ASH1L: variants seen among roughly 807,000 people sequenced by gnomAD.
The protein encoded by ASH1L is ASH1 like histone lysine methyltransferase, also known as histone-lysine N-methyltransferase ASH1L.
ASH1L carries 23 observed loss-of-function variants against 269.0 expected under a neutral mutation model. The ratio of observed to expected loss-of-function variants is 0.09; its 90% CI spans 0.06 to 0.12. The LOEUF (loss-of-function observed/expected upper bound fraction) is 0.12. Among genes scored for constraint, ASH1L ranks in the 10% least tolerant of loss-of-function variants. The pLI, the probability that ASH1L is intolerant of heterozygous loss-of-function variation, is 1.00. For synonymous variants in ASH1L, 1,187 were observed against 1,253.5 expected (o/e 0.95, Z 1.12); for missense variants, 2,912 against 3,567.8 (o/e 0.82, Z 4.68).
chr1:155,467,461 T>C (rs946249327), intron 3 of ASH1L, among the ~76,000 whole-genome samples: 1 of 152,192 alleles, frequency 6.6e-6, no homozygotes, highest in Non-Finnish European at 1.5e-5. Flanking sequence ...GTTAGAAAAA[T>C]AAGCTAACTA....
chr1:155,360,754 T>C (rs1654873890), intron 12 of ASH1L, among the ~76,000 whole-genome samples: 1 of 152,098 alleles, frequency 6.6e-6, no homozygotes, highest in African/African-American at 2.4e-5. Context: ...CCACTTTTAA[T>C]CTCTTTTCTA....
chr1:155,528,295 TC>T (rs966289489), intron 1 of ASH1L, among the ~76,000 whole-genome samples: 9 of 152,210 alleles, frequency 5.9e-5, no homozygotes, highest in African/African-American at 2.2e-4. Flanking sequence ...GCTTTTTCTC[TC>T]AAACCCCTCA....
intron 10 of ASH1L, among the ~76,000 whole-genome samples, chr1:155,374,185 C>T (rs996098134): frequency 2.0e-5 from 3 of 152,016 alleles, no homozygotes; most frequent in African/African-American, 7.2e-5. Flanking sequence ...AAAAATTAGC[C>T]AGGCGTGGTG....
intron 2 of ASH1L, among the ~76,000 whole-genome samples, chr1:155,504,183 C>G (rs1376637927): frequency 6.6e-6 from 1 of 152,104 alleles, no homozygotes; most frequent in African/African-American, 2.4e-5. Context: ...ATTATTTTCC[C>G]TTTCTTCTTG....
At chr1:155,370,274 C>A in intron 12 of ASH1L, 6 of 544,094 alleles carry the variant, frequency 1.1e-5, no homozygotes, top group South Asian at 5.0e-5. Flanking sequence ...ACAAAAAAAC[C>A]AAAAAAGCAA....
At chr1:155,433,868 C>G in intron 5 of ASH1L, 1 of 1,604,684 alleles carries the variant, frequency 6.2e-7, no homozygotes, top group Non-Finnish European at 8.5e-7. Flanking sequence ...CTTGCAGGCT[C>G]GAAAGAGAAA....
At chr1:155,560,077 G>A (rs1322376317) in intron 1 of ASH1L, among the ~76,000 whole-genome samples, 1 of 152,124 alleles carries the variant, frequency 6.6e-6, no homozygotes, top group Non-Finnish European at 1.5e-5. Context: ...CTGTCAACAT[G>A]TTCAAATACC....
At chr1:155,502,229 C>T (rs918800806) in intron 2 of ASH1L, among the ~76,000 whole-genome samples, 1 of 151,002 alleles carries the variant, frequency 6.6e-6, no homozygotes, top group Admixed American at 6.6e-5. Flanking sequence ...CACCACCACA[C>T]CCAGCTAATT....
chr1:155,390,061 C>CT (rs1224577616), intron 7 of ASH1L, among the ~76,000 whole-genome samples: 1 of 152,044 alleles, frequency 6.6e-6, no homozygotes, highest in African/African-American at 2.4e-5. Context: ...GTGGACAACT[C>CT]TATCTTCTTC....
chr1:155,480,463 A>G lies in ASH1L; in HGVS notation c.2407T>C (p.Ser803Pro). Reference sequence around the variant, plus strand: ...GAGGATAGTTTGTGAGTAGCAAAAGACTTATGAGATGGTTTTTCACTATCA... The same window carrying G: ...GAGGATAGTTTGTGAGTAGCAAAAGGCTTATGAGATGGTTTTTCACTATCA... Reference protein sequence around the residue: ...LADSEKPSHKSFATHKLSSSM... With the variant: ...LADSEKPSHKPFATHKLSSSM... Residue 803 changes from serine (S) to proline (P), a missense_variant, in exon 3 of 28, where the codon TCT becomes CCT. Ser to Pro is a moderately conservative substitution (Grantham distance 74). This residue lies in a region of ASH1L where 715 missense variants were observed against 721.0 expected (regional missense o/e 0.99). Transcript: ENST00000392403. The G allele has an allele frequency of 6.2e-7, 1 of 1,614,090 alleles. No homozygotes were observed. Among genetic ancestry groups the G allele is most frequent in the Non-Finnish European group, 8.5e-7 (1 of 1,179,944 alleles).
chr1:155,544,114 G>A (rs1670632806), intron 1 of ASH1L, among the ~76,000 whole-genome samples: 1 of 151,918 alleles, frequency 6.6e-6, no homozygotes, highest in Non-Finnish European at 1.5e-5. Flanking sequence ...ATGTTGCCCA[G>A]GCTTGTCTCA....
intron 2 of ASH1L, among the ~76,000 whole-genome samples, chr1:155,508,691 C>T (rs1667976001): frequency 6.6e-6 from 1 of 152,086 alleles, no homozygotes; most frequent in Non-Finnish European, 1.5e-5. Context: ...CAATCAGGGG[C>T]TTTCTACTTA....
intron 1 of ASH1L, among the ~76,000 whole-genome samples, chr1:155,546,281 A>G (rs973818312): frequency 6.6e-6 from 1 of 151,704 alleles, no homozygotes; most frequent in Non-Finnish European, 1.5e-5. Flanking sequence ...CAATGAGCCG[A>G]TATCGTGCCA....
chr1:155,543,391 G>A (rs376180428), intron 1 of ASH1L, among the ~76,000 whole-genome samples: 4 of 150,296 alleles, frequency 2.7e-5, no homozygotes, highest in African/African-American at 4.9e-5. Flanking sequence ...GGTGCCTGTC[G>A]TCCCAGCTAC....
intron 5 of ASH1L, among the ~76,000 whole-genome samples, chr1:155,436,566 G>A (rs541966033): frequency 1.4e-3 from 196 of 136,044 alleles, no homozygotes; most frequent in African/African-American, 4.5e-3. Flanking sequence ...GCGCAATCTC[G>A]GCTCATCACA....
chr1:155,415,381 C>CAA (rs371008148), intron 6 of ASH1L, among the ~76,000 whole-genome samples: 3,013 of 57,402 alleles, frequency 0.052, 151 homozygotes, highest in African/African-American at 0.15. Context: ...GACTCCGTCT[C>CAA]AAAAAAAAAA....
At chr1:155,347,167 G>C (rs972430299) in intron 20 of ASH1L, among the ~76,000 whole-genome samples, 1 of 152,220 alleles carries the variant, frequency 6.6e-6, no homozygotes, top group Non-Finnish European at 1.5e-5. Context: ...GGGAGGCCGA[G>C]GTGGGCAGAT....
At chr1:155,372,472 C>T (rs1656045803) in intron 10 of ASH1L, among the ~76,000 whole-genome samples, 1 of 150,144 alleles carries the variant, frequency 6.7e-6, no homozygotes, top group South Asian at 2.1e-4. Context: ...CTACGCCCAG[C>T]TAATTTTCGT....
chr1:155,494,689 T>C (rs932952398), intron 2 of ASH1L, among the ~76,000 whole-genome samples: 1 of 152,136 alleles, frequency 6.6e-6, no homozygotes, highest in Admixed American at 6.6e-5. Context: ...CTGAAAATGA[T>C]GATCAGGAGT....
Sources: allele counts gnomAD v4.1 joint callset (sites outside exome capture counted in the v4.1 genomes callset), GRCh38; gene constraint gnomAD v4.1.1; regional missense constraint gnomAD v4.1.1; transcripts MANE v1.5; gene names NCBI Gene and HGNC (gene_info 2026-07-23, HGNC 2026-07-21).